INSC: variants seen among roughly 807,000 people sequenced by gnomAD.
INSC encodes the protein INSC spindle orientation adaptor protein.
INSC carries 67 observed loss-of-function variants against 58.6 expected under a neutral mutation model. The ratio of observed to expected loss-of-function variants is 1.14; its 90% CI spans 0.94 to 1.40. The LOEUF (loss-of-function observed/expected upper bound fraction) is 1.40, where lower values mean the gene tolerates loss of function less well. INSC is among the 40% of genes most tolerant of loss of function. The pLI is 0.00. For missense variants in INSC, 714 were observed against 692.0 expected (o/e 1.03, Z -0.36); for synonymous variants, 262 against 276.1 (o/e 0.95, Z 0.51).
Position 15,179,194 on chromosome 11 carries a change from G to C in INSC, c.579+747G>C, listed in dbSNP as rs187797196. Among the ~76,000 whole-genome samples the C allele has an allele frequency of 1.4e-3, 219 of 152,314 alleles. 1 individual carries two copies. Among genetic ancestry groups the C allele is most frequent in the Non-Finnish European group, 2.4e-3 (163 of 68,034 alleles). On this transcript the variant is annotated intron_variant, in intron 5 of 12. Coordinates refer to ENST00000379556, the MANE Select transcript of INSC (RefSeq NM_001042536.3). The stretch of plus-strand genomic sequence containing the variant: ...TAAACCTTCTCCAGAAGAAAAGTGA[G>C]AGGACTAAGCAAAGGCATATGGAAG...
Position 15,205,453 on chromosome 11 carries a change from C to A in INSC, c.819+4504C>A, listed in dbSNP as rs115780150. Among the ~76,000 whole-genome samples the A allele has an allele frequency of 5.2e-3, 795 of 152,232 alleles. 5 individuals carry two copies. The highest frequency in any genetic ancestry group is 0.018 in the African/African-American group (749 of 41,522). ...CAGTTCCTTGATCAGTAAAATGAGC[C>A]TATAAAATCTACCTCATGTATAGTA... is the stretch of plus-strand genomic sequence containing the variant. On this transcript the variant is annotated intron_variant, in intron 7 of 12. Transcript: ENST00000379556.
intron 1 of INSC, among the ~76,000 whole-genome samples, chr11:15,116,841 C>A (rs1486043731): frequency 4.6e-5 from 2 of 43,226 alleles, no homozygotes; most frequent in Non-Finnish European, 8.4e-5. Context: ...TTCTTTCTTT[C>A]TTTCTTTCTC....
intron 7 of INSC, 115 bp from the exon 8 acceptor site, chr11:15,221,362 G>A: frequency 8.0e-7 from 1 of 1,256,332 alleles, no homozygotes; most frequent in Non-Finnish European, 1.1e-6. Context: ...GCTGTTCTGG[G>A]AAGCCAGAGC....
intron 6 of INSC, among the ~76,000 whole-genome samples, chr11:15,197,198 C>T (rs1459317657): frequency 6.6e-6 from 1 of 152,202 alleles, no homozygotes; most frequent in African/African-American, 2.4e-5. Context: ...TTAACCAGGT[C>T]TACAGATTCC....
At chr11:15,120,634 G>T (rs1465849687) in intron 1 of INSC, among the ~76,000 whole-genome samples, 1 of 152,210 alleles carries the variant, frequency 6.6e-6, no homozygotes, top group Non-Finnish European at 1.5e-5. Flanking sequence ...GGTCAGTAGT[G>T]TTGGGGATGA....
intron 6 of INSC, among the ~76,000 whole-genome samples, chr11:15,199,495 T>G (rs1020083902): frequency 3.3e-5 from 5 of 152,162 alleles, no homozygotes; most frequent in South Asian, 2.1e-4. Context: ...GTGCTGGGCT[T>G]CTTCTTCCAA....
At chr11:15,226,365 C>G (rs1035461099) in intron 9 of INSC, among the ~76,000 whole-genome samples, 2 of 152,158 alleles carry the variant, frequency 1.3e-5, no homozygotes, top group Admixed American at 6.6e-5. Context: ...TCATAATTGT[C>G]TATGTATATT....
chr11:15,241,691 G>A (rs368687774), intron 12 of INSC: 26 of 697,450 alleles, frequency 3.7e-5, no homozygotes, highest in East Asian at 2.2e-4. Flanking sequence ...TGAAGCTTAC[G>A]GAGCCCTTCT....
chr11:15,208,753 G>A (rs1850907117), intron 7 of INSC, among the ~76,000 whole-genome samples: 1 of 152,222 alleles, frequency 6.6e-6, no homozygotes, highest in Admixed American at 6.5e-5. Context: ...TGGGTTTGCA[G>A]GAGCAGGCTC....
intron 5 of INSC, chr11:15,188,140 C>A: frequency 1.0e-6 from 1 of 978,842 alleles, no homozygotes; most frequent in Non-Finnish European, 1.2e-6. Context: ...GGAAGTGTGG[C>A]CTTGGCAAGA....
At chr11:15,114,797 A>C, upstream of INSC, 4 of 244,850 alleles carry the variant, frequency 1.6e-5, no homozygotes, top group Non-Finnish European at 2.5e-5. Flanking sequence ...CTTGGCAGGG[A>C]GCGCGCTGCT....
intron 7 of INSC, among the ~76,000 whole-genome samples, chr11:15,210,942 C>G (rs1851002016): frequency 6.6e-6 from 1 of 152,016 alleles, no homozygotes; most frequent in African/African-American, 2.4e-5. Flanking sequence ...GACAGTAGGC[C>G]AGCCCTCAAA....
intron 5 of INSC, among the ~76,000 whole-genome samples, chr11:15,184,684 A>G (rs1714364): frequency 0.82 from 124,726 of 152,174 alleles, 51,414 homozygotes; most frequent in East Asian, 0.99. Context: ...ATGAGCCGCC[A>G]CATCCAGTGA....
chr11:15,211,762 G>C (rs1403073127), intron 7 of INSC, among the ~76,000 whole-genome samples: 1 of 151,540 alleles, frequency 6.6e-6, no homozygotes, highest in Non-Finnish European at 1.5e-5. Context: ...AGCCAGCACT[G>C]TTTATTGAAA....
intron 7 of INSC, among the ~76,000 whole-genome samples, chr11:15,213,254 T>G (rs1851096598): frequency 6.6e-6 from 1 of 152,086 alleles, no homozygotes; most frequent in Non-Finnish European, 1.5e-5. Context: ...AGTGAGACCT[T>G]GTCTCAAAAA....
upstream of INSC, among the ~76,000 whole-genome samples, chr11:15,113,819 C>G (rs1474804185): frequency 6.6e-6 from 1 of 152,050 alleles, no homozygotes; most frequent in African/African-American, 2.4e-5. Flanking sequence ...CAGCCAGAGC[C>G]TGAAAAAAGA....
chr11:15,144,755 A>G (rs1338977851), intron 1 of INSC, among the ~76,000 whole-genome samples: 1 of 152,142 alleles, frequency 6.6e-6, no homozygotes, highest in Non-Finnish European at 1.5e-5. Flanking sequence ...AATAGCCTCC[A>G]TTTCCTCCAC....
chr11:15,229,997 A>ATATATAT (rs1851841029), intron 9 of INSC, among the ~76,000 whole-genome samples: 1 of 27,484 alleles, frequency 3.6e-5, no homozygotes, highest in Non-Finnish European at 5.8e-5. Flanking sequence ...ATATATATAT[A>ATATATAT]TATATATATA....
Position 15,200,698 on chromosome 11 carries a change from C to T in INSC, c.694-126C>T, listed in dbSNP as rs537030705. 1,101 of 1,149,192 alleles carry T rather than the reference C, an allele frequency of 9.6e-4. 12 individuals carry two copies. The African/African-American group carries it at 0.013, about 13-fold the overall frequency. The allele number at this position is 1,149,192 out of a possible 1,614,324, so 71.2% of individuals were successfully genotyped here. ...TGAGTGTGTGTAAGTGTGTGTGGGG[C>T]GGGGGTTGCTGGAGGCAGGGAGGAC... On this transcript the variant is annotated intron_variant, in intron 6 of 12. Coordinates refer to ENST00000379556, the MANE Select transcript of INSC (RefSeq NM_001042536.3).
Sources: allele counts gnomAD v4.1 joint callset (sites outside exome capture counted in the v4.1 genomes callset), GRCh38; gene constraint gnomAD v4.1.1; transcripts MANE v1.5; gene names NCBI Gene and HGNC (gene_info 2026-07-23, HGNC 2026-07-21).